Variants in HMCN1 observed in about 807,000 individuals in gnomAD.
The protein encoded by HMCN1 is hemicentin-1.
HMCN1 carries 321 observed loss-of-function variants against 625.9 expected under a neutral mutation model. That is an observed-to-expected ratio of 0.51 (90% confidence interval 0.47 to 0.56). The LOEUF (loss-of-function observed/expected upper bound fraction) is 0.56. HMCN1 is among the 20% of genes least tolerant of loss of function. HMCN1 has a pLI of 0.00. For missense variants in HMCN1, 6,588 were observed against 6,887.3 expected, an observed-to-expected ratio of 0.96 and a Z score of 1.54; for synonymous variants, 2,425 against 2,417.6, an observed-to-expected ratio of 1.00 and a Z score of -0.09.
At chr1:185,877,693 A>G (rs535210687) in intron 4 of HMCN1, among the ~76,000 whole-genome samples, 1 of 151,986 alleles carries the variant, frequency 6.6e-6, no homozygotes, top group Non-Finnish European at 1.5e-5. Flanking sequence ...TTGGTTAAAT[A>G]TATTCTTAGG....
intron 1 of HMCN1, among the ~76,000 whole-genome samples, chr1:185,784,831 G>A (rs531586827): frequency 6.6e-6 from 1 of 152,282 alleles, no homozygotes; most frequent in African/African-American, 2.4e-5. Context: ...TTTGACAAAT[G>A]CGTCTACCAT....
At position 186,021,179 on chromosome 1, in the gene HMCN1, G is replaced by A. The variant is rs78174683; in HGVS notation, c.5625+1484G>A. Among the ~76,000 whole-genome samples the A allele has an allele frequency of 9.3e-3, 1,413 of 152,158 alleles. 24 individuals carry two copies. Among genetic ancestry groups the A allele is most frequent in the African/African-American group, 0.033 (1,362 of 41,528 alleles). On this transcript the variant is annotated intron_variant, in intron 35 of 106. Transcript: ENST00000271588. ...GGTATTTATTAGTTAAATCACTGGGGGTTGAGGAAAGATTCTTTATGAAAA... is the reference window on the plus strand; with the variant it reads ...GGTATTTATTAGTTAAATCACTGGGAGTTGAGGAAAGATTCTTTATGAAAA...
chr1:186,177,992 T>C (rs114478247), intron 103 of HMCN1, among the ~76,000 whole-genome samples: 1,850 of 152,266 alleles, frequency 0.012, 35 homozygotes, highest in African/African-American at 0.037. Context: ...AAAATCTTAA[T>C]GTTACTCTTA....
At chr1:186,099,475 T>A (rs1210410880) in intron 68 of HMCN1, among the ~76,000 whole-genome samples, 3 of 152,084 alleles carry the variant, frequency 2.0e-5, no homozygotes, top group African/African-American at 7.2e-5. Flanking sequence ...ATGACAGGTA[T>A]GTTTCTAGCC....
At chr1:186,006,889 T>C (rs1383694280) in intron 29 of HMCN1, among the ~76,000 whole-genome samples, 1 of 151,938 alleles carries the variant, frequency 6.6e-6, no homozygotes, top group Non-Finnish European at 1.5e-5. Context: ...TTAATATTAT[T>C]ATATAATTTA....
chr1:185,919,091 AAT>A (rs1666875677), intron 6 of HMCN1, among the ~76,000 whole-genome samples: 1 of 150,196 alleles, frequency 6.7e-6, no homozygotes, highest in African/African-American at 2.5e-5. Context: ...ATATATATAT[AAT>A]TTTATTACAT....
intron 4 of HMCN1, among the ~76,000 whole-genome samples, chr1:185,871,755 A>AT (rs1162422357): frequency 3.1e-4 from 47 of 152,182 alleles, no homozygotes; most frequent in Non-Finnish European, 8.8e-5. Flanking sequence ...CTTAAAAAAA[A>AT]CTGTAAACTT....
chr1:185,866,691 C>T (rs1663265734), intron 4 of HMCN1, among the ~76,000 whole-genome samples: 1 of 152,076 alleles, frequency 6.6e-6, no homozygotes, highest in Admixed American at 6.5e-5. Flanking sequence ...CAGGCATGAG[C>T]CACCGCGTCT....
chr1:186,178,475 G>A lies in HMCN1; in HGVS notation c.16003G>A (p.Gly5335Ser), dbSNP rs775664458. ...PCAHQCSNTP[G>S]SFKCICPPGQ... ...TGCACATCAGTGCTCCAACACCCCC[G>A]GCAGCTTCAAGTGTATCTGTCCACC... Residue 5335 changes from glycine (G) to serine (S), a missense_variant, in exon 104 of 107, where the codon GGC (glycine) becomes AGC (serine). Gly to Ser is a moderately conservative substitution (Grantham distance 56). This residue lies in a region of HMCN1 where 1,954 missense variants were observed against 2,013.1 expected (regional missense o/e 0.97). Coordinates refer to ENST00000271588, the MANE Select transcript of HMCN1 (RefSeq NM_031935.3). 1.7e-5 allele frequency: 28 copies of A among 1,613,772 alleles called. No individual in the cohort carries two copies. The highest frequency in any genetic ancestry group is 2.2e-5 in the Non-Finnish European group (26 of 1,179,944).
At chr1:186,123,428 AAGAC>A (rs1661494690) in intron 81 of HMCN1, among the ~76,000 whole-genome samples, 3 of 152,124 alleles carry the variant, frequency 2.0e-5, no homozygotes, top group Admixed American at 1.3e-4. Flanking sequence ...GTGAGAGAGA[AAGAC>A]AGATTTTATT....
At chr1:186,135,087 A>G (rs1649515566) in intron 86 of HMCN1, among the ~76,000 whole-genome samples, 1 of 152,142 alleles carries the variant, frequency 6.6e-6, no homozygotes, top group African/African-American at 2.4e-5. Flanking sequence ...TTATTTTTGA[A>G]AATCCAGTTC....
At chr1:185,785,513 G>A (rs767728454) in intron 1 of HMCN1, among the ~76,000 whole-genome samples, 1 of 152,266 alleles carries the variant, frequency 6.6e-6, no homozygotes, top group East Asian at 1.9e-4. Flanking sequence ...GTTTCAAACT[G>A]CTAATTTTCC....
At chr1:185,982,166 TATAGC>T (rs1651687325) in intron 17 of HMCN1, 91 bp from the exon 18 acceptor site, 3 of 1,233,432 alleles carry the variant, frequency 2.4e-6, no homozygotes, top group Admixed American at 3.4e-5. Flanking sequence ...CTCAAACTTT[TATAGC>T]ATAACTAACA....
At chr1:185,838,232 G>A (rs2102303330) in intron 1 of HMCN1, among the ~76,000 whole-genome samples, 1 of 152,244 alleles carries the variant, frequency 6.6e-6, no homozygotes, top group South Asian at 2.1e-4. Flanking sequence ...CTCTTTCCAT[G>A]GGCCAGCCAC....
At chr1:185,864,682 T>C (rs1663071843) in intron 3 of HMCN1, 54 bp downstream of exon 3, 1 of 1,537,364 alleles carries the variant, frequency 6.5e-7, no homozygotes, top group African/African-American at 1.4e-5. Flanking sequence ...TGTAAGAGAT[T>C]GCCTGTCCTC....
intron 93 of HMCN1, 113 bp downstream of exon 93, chr1:186,146,036 A>G: frequency 9.0e-7 from 1 of 1,115,966 alleles, no homozygotes; most frequent in Admixed American, 2.0e-5. Context: ...TTAGAAAAAA[A>G]AAAAAAAGTG....
Position 186,086,378 on chromosome 1 carries a change from A to G in HMCN1, c.9017A>G (p.Lys3006Arg), listed in dbSNP as rs779065742. The G allele has an allele frequency of 6.2e-7, 1 of 1,613,278 alleles. No individual in the cohort carries two copies. The highest frequency in any genetic ancestry group is 8.5e-7 in the Non-Finnish European group (1 of 1,179,502). ...LSWLKNEQPIKLNTNTLIVPG... is the reference protein window; with the variant it reads ...LSWLKNEQPIRLNTNTLIVPG... ...TGGCTCAAGAATGAACAGCCCATCA[A>G]ACTGAACACAAATACTCTCATTGTG... The change falls in exon 58 of 107, where the codon AAA becomes AGA. Residue 3006 changes from lysine (K) to arginine (R), a missense_variant. This residue lies in a region of HMCN1 where 4,628 missense variants were observed against 4,853.1 expected (regional missense o/e 0.95). Coordinates refer to ENST00000271588, the MANE Select transcript of HMCN1 (RefSeq NM_031935.3).
intron 1 of HMCN1, among the ~76,000 whole-genome samples, chr1:185,826,648 A>T (rs1338200208): frequency 6.6e-6 from 1 of 152,216 alleles, no homozygotes; most frequent in East Asian, 1.9e-4. Context: ...ACCAGTCTTC[A>T]TTGGTTGAGC....
At chr1:186,185,230 C>T (rs1460579263) in intron 105 of HMCN1, among the ~76,000 whole-genome samples, 1 of 152,132 alleles carries the variant, frequency 6.6e-6, no homozygotes, top group East Asian at 1.9e-4. Context: ...TATCATGGAC[C>T]CCTGCAGCCC....
Sources: allele counts gnomAD v4.1 joint callset (sites outside exome capture counted in the v4.1 genomes callset), GRCh38; gene constraint gnomAD v4.1.1; regional missense constraint gnomAD v4.1.1; transcripts MANE v1.5; gene names NCBI Gene and HGNC (gene_info 2026-07-23, HGNC 2026-07-21).